Variants in PPFIA2 observed in about 807,000 individuals in gnomAD.
PPFIA2 encodes PPFI scaffold protein A2.
PPFIA2 carries 46 observed loss-of-function variants against 175.5 expected under a neutral mutation model. That is an observed-to-expected ratio of 0.26 (90% CI 0.21 to 0.34). PPFIA2 has a LOEUF of 0.34. Ranked by LOEUF, PPFIA2 falls within the 10% of genes least tolerant of loss-of-function variation. The probability of loss-of-function intolerance (pLI) is 1.00; values close to 1 mark genes in which losing one functional copy is unlikely to be tolerated. For synonymous variants in PPFIA2, 568 were observed against 511.4 expected (o/e 1.11, Z -1.49); for missense variants, 1,179 against 1,506.1 (o/e 0.78, Z 3.60).
At chr12:81,445,748 A>C (rs776959030) in intron 5 of PPFIA2, 28 bp from the exon 6 acceptor site, 4 of 1,596,946 alleles carry the variant, frequency 2.5e-6, no homozygotes, top group Non-Finnish European at 3.4e-6. Context: ...AAATGCAATT[A>C]TCTTATGAAT....
chr12:81,670,149 A>G (rs2071141289), intron 4 of PPFIA2, among the ~76,000 whole-genome samples: 1 of 151,934 alleles, frequency 6.6e-6, no homozygotes, highest in Non-Finnish European at 1.5e-5. Flanking sequence ...TTAACTTGTT[A>G]TGTTTTAAAT....
chr12:81,403,317 G>T (rs2042370630), intron 8 of PPFIA2, among the ~76,000 whole-genome samples: 1 of 152,176 alleles, frequency 6.6e-6, no homozygotes, highest in African/African-American at 2.4e-5. Flanking sequence ...ACTTATATCT[G>T]TGAAGACCAA....
chr12:81,361,263 C>A lies in PPFIA2; in HGVS notation c.1637+1430G>T, dbSNP rs11114835. Among the ~76,000 whole-genome samples the A allele has an allele frequency of 5.2e-3, 791 of 151,680 alleles. 1 individual carries two copies. Among genetic ancestry groups the A allele is most frequent in the Admixed American group, 8.4e-3 (127 of 15,182 alleles). On this transcript the variant is annotated intron_variant, in intron 15 of 32. Coordinates refer to ENST00000549396, the MANE Select transcript of PPFIA2 (RefSeq NM_003625.5). The stretch of plus-strand genomic sequence containing the variant: ...TTATTCTTAATCAAATATATTTAAT[C>A]TATTGATTTGATAATGCTTATTCTA...
At chr12:81,369,299 A>C in intron 11 of PPFIA2, 105 bp from the exon 12 acceptor site, 1 of 1,530,362 alleles carries the variant, frequency 6.5e-7, no homozygotes, top group South Asian at 1.2e-5. Flanking sequence ...CCAACTGCAA[A>C]CATAGTTTTT....
chr12:81,499,244 G>A (rs1486422397), intron 4 of PPFIA2, among the ~76,000 whole-genome samples: 1 of 152,110 alleles, frequency 6.6e-6, no homozygotes, highest in Non-Finnish European at 1.5e-5. Flanking sequence ...TATCTTTTAT[G>A]ACCAACCACT....
intron 22 of PPFIA2, chr12:81,312,560 C>T (rs2051198686): frequency 5.1e-6 from 1 of 195,502 alleles, no homozygotes; most frequent in Non-Finnish European, 1.0e-5. Flanking sequence ...TATTAATTGG[C>T]ACTTAGATTT....
chr12:81,343,974 C>G (rs2058607921), intron 19 of PPFIA2, among the ~76,000 whole-genome samples: 2 of 152,112 alleles, frequency 1.3e-5, no homozygotes, highest in Non-Finnish European at 2.9e-5. Flanking sequence ...TCTTCTCCAT[C>G]TGGCTCTTAC....
chr12:81,307,095 C>T (rs1594455053), intron 22 of PPFIA2, among the ~76,000 whole-genome samples: 2 of 152,188 alleles, frequency 1.3e-5, no homozygotes, highest in East Asian at 3.9e-4. Flanking sequence ...TATCAACAAC[C>T]TTGTGTTTAC....
intron 4 of PPFIA2, among the ~76,000 whole-genome samples, chr12:81,665,891 C>A (rs2070131490): frequency 6.6e-6 from 1 of 152,060 alleles, no homozygotes; most frequent in South Asian, 2.1e-4. Flanking sequence ...TATCCAGAAT[C>A]TACAAAGAAC....
chr12:81,642,288 C>T (rs1860565419), intron 4 of PPFIA2, among the ~76,000 whole-genome samples: 1 of 151,796 alleles, frequency 6.6e-6, no homozygotes, highest in Non-Finnish European at 1.5e-5. Context: ...AGCAGATTAG[C>T]TCCAGTTATA....
chr12:81,620,159 CAAAAA>C (rs376856927), intron 4 of PPFIA2, among the ~76,000 whole-genome samples: 1 of 54,614 alleles, frequency 1.8e-5, no homozygotes, highest in African/African-American at 7.8e-5. Flanking sequence ...CACTCCTTCT[CAAAAA>C]AAAAAAAAAA....
intron 4 of PPFIA2, among the ~76,000 whole-genome samples, chr12:81,547,993 T>A (rs2067256260): frequency 6.6e-6 from 1 of 152,188 alleles, no homozygotes; most frequent in Non-Finnish European, 1.5e-5. Context: ...CTAACATTCA[T>A]TGAGCACATG....
At chr12:81,580,330 G>A (rs2074218642) in intron 4 of PPFIA2, among the ~76,000 whole-genome samples, 1 of 151,636 alleles carries the variant, frequency 6.6e-6, no homozygotes. Context: ...TTGTCCAGAA[G>A]GTGGTAAAGA....
intron 5 of PPFIA2, among the ~76,000 whole-genome samples, chr12:81,455,727 C>G (rs1412782209): frequency 6.6e-6 from 1 of 152,124 alleles, no homozygotes; most frequent in East Asian, 1.9e-4. Context: ...GACTGTTAAG[C>G]AATGTCCTCT....
intron 7 of PPFIA2, chr12:81,417,271 T>A (rs2045458315): frequency 6.6e-6 from 1 of 151,726 alleles, no homozygotes. Flanking sequence ...GAAGATGGAC[T>A]TATTGATTTC....
intron 4 of PPFIA2, chr12:81,598,133 G>A: frequency 6.7e-7 from 1 of 1,489,342 alleles, no homozygotes; most frequent in South Asian, 1.3e-5. Context: ...GAGACTAGAG[G>A]GTAAAATGAA....
intron 4 of PPFIA2, among the ~76,000 whole-genome samples, chr12:81,490,766 G>GT (rs564622275): frequency 6.4e-4 from 97 of 151,892 alleles, no homozygotes; most frequent in Non-Finnish European, 1.1e-3. Flanking sequence ...CTTTATTCTT[G>GT]TTTTTTGACT....
At chr12:81,692,217 C>T (rs1027039745) in intron 3 of PPFIA2, among the ~76,000 whole-genome samples, 7 of 151,968 alleles carry the variant, frequency 4.6e-5, no homozygotes, top group Non-Finnish European at 7.4e-5. Context: ...ATGCCAACCA[C>T]TAGCCAGGAA....
chr12:81,363,619 T>G (rs975383011), intron 14 of PPFIA2, among the ~76,000 whole-genome samples: 1 of 151,790 alleles, frequency 6.6e-6, no homozygotes, highest in Non-Finnish European at 1.5e-5. Context: ...TATTTTACTT[T>G]ACTCAAACTT....
Sources: gnomAD v4.1 joint callset for allele counts (sites outside exome capture counted in the v4.1 genomes callset) on GRCh38, gnomAD v4.1.1 for gene constraint, MANE v1.5 for transcripts, NCBI Gene and HGNC (gene_info 2026-07-23, HGNC 2026-07-21) for gene names.